ERBB4: variants seen among roughly 807,000 people sequenced by gnomAD.
The protein encoded by ERBB4 is receptor tyrosine-protein kinase erbB-4.
ERBB4 carries 42 observed loss-of-function variants against 158.0 expected under a neutral mutation model. That is an observed-to-expected ratio of 0.27 (90% CI 0.21 to 0.34). ERBB4 has a LOEUF of 0.34. ERBB4 is among the 10% of genes least tolerant of loss of function. The pLI is 1.00. For missense variants in ERBB4, 1,333 were observed against 1,624.1 expected (o/e 0.82, Z 3.08); for synonymous variants, 583 against 558.7 (o/e 1.04, Z -0.61).
At chr2:212,291,857 C>CA (rs1312210011) in intron 1 of ERBB4, among the ~76,000 whole-genome samples, 1 of 151,792 alleles carries the variant, frequency 6.6e-6, no homozygotes, top group Admixed American at 6.6e-5. Flanking sequence ...CTCTATTTTT[C>CA]AAAAATATTT....
At chr2:211,597,776 A>G (rs1490200446) in intron 19 of ERBB4, among the ~76,000 whole-genome samples, 4 of 152,192 alleles carry the variant, frequency 2.6e-5, no homozygotes, top group African/African-American at 9.6e-5. Context: ...CCTTCACATG[A>G]TAGTAAAAAT....
intron 1 of ERBB4, among the ~76,000 whole-genome samples, chr2:212,397,042 A>G (rs2091048912): frequency 6.6e-6 from 1 of 152,204 alleles, no homozygotes; most frequent in South Asian, 2.1e-4. Context: ...GTAACCATTT[A>G]ATCCCATATT....
chr2:212,042,633 T>C (rs1333420786), intron 2 of ERBB4, among the ~76,000 whole-genome samples: 1 of 152,122 alleles, frequency 6.6e-6, no homozygotes, highest in East Asian at 1.9e-4. Flanking sequence ...TTTAAGTGCC[T>C]ATAATCTTTC....
intron 2 of ERBB4, among the ~76,000 whole-genome samples, chr2:212,037,392 C>A (rs73087377): frequency 2.0e-5 from 3 of 152,154 alleles, no homozygotes; most frequent in Non-Finnish European, 2.9e-5. Flanking sequence ...CTAAGGAAAG[C>A]ACCAACTGGA....
At chr2:212,473,991 C>A (rs1689246253) in intron 1 of ERBB4, among the ~76,000 whole-genome samples, 2 of 151,986 alleles carry the variant, frequency 1.3e-5, no homozygotes, top group Non-Finnish European at 2.9e-5. Context: ...AAAATTCAAC[C>A]AATTGTAGAA....
At chr2:212,138,861 A>G (rs568186078) in intron 1 of ERBB4, among the ~76,000 whole-genome samples, 1 of 152,290 alleles carries the variant, frequency 6.6e-6, no homozygotes, top group South Asian at 2.1e-4. Context: ...TAACGATATG[A>G]TTGAACATGT....
intron 3 of ERBB4, among the ~76,000 whole-genome samples, chr2:211,916,824 T>C (rs1335124665): frequency 6.6e-6 from 1 of 152,180 alleles, no homozygotes; most frequent in Non-Finnish European, 1.5e-5. Flanking sequence ...GAATGTTTAA[T>C]AGGAAAGACA....
At chr2:212,098,052 G>A (rs1194243792) in intron 2 of ERBB4, among the ~76,000 whole-genome samples, 1 of 152,102 alleles carries the variant, frequency 6.6e-6, no homozygotes, top group African/African-American at 2.4e-5. Context: ...AATAGAGAAA[G>A]AGGGTATGGC....
intron 1 of ERBB4, among the ~76,000 whole-genome samples, chr2:212,454,165 T>C (rs1688154160): frequency 6.6e-6 from 1 of 152,098 alleles, no homozygotes; most frequent in Non-Finnish European, 1.5e-5. Flanking sequence ...GGTCTCAAAC[T>C]CCTGACCTCA....
chr2:212,244,373 T>A (rs1240733370), intron 1 of ERBB4, among the ~76,000 whole-genome samples: 1 of 152,082 alleles, frequency 6.6e-6, no homozygotes, highest in African/African-American at 2.4e-5. Flanking sequence ...TCACGGGTCA[T>A]GACAGGAGCA....
Position 211,947,497 on chromosome 2 carries a change from T to C in ERBB4, c.354A>G (p.Ala118=). ...TKLYEDRYAL[A]IFLNYRKDGN... is the part of the protein sequence containing the mutation. ...CATCTTTTCTGTAGTTTAAAAATAT[T>C]GCCAAGGCATATCGATCCTCATAAA... Residue 118 remains alanine, a synonymous_variant, in exon 3 of 28, where the codon GCA becomes GCG. Transcript: ENST00000342788. 1 of 1,613,884 alleles carries C rather than the reference T, an allele frequency of 6.2e-7. No individual in the cohort carries two copies. Among genetic ancestry groups the C allele is most frequent in the Non-Finnish European group, 8.5e-7 (1 of 1,179,894 alleles).
At chr2:211,829,966 A>G (rs1330809596) in intron 3 of ERBB4, among the ~76,000 whole-genome samples, 2 of 152,148 alleles carry the variant, frequency 1.3e-5, no homozygotes, top group Non-Finnish European at 2.9e-5. Flanking sequence ...CATTACTTGG[A>G]GTGAATATAA....
At chr2:211,736,116 T>C (rs2074590602) in intron 5 of ERBB4, among the ~76,000 whole-genome samples, 1 of 151,862 alleles carries the variant, frequency 6.6e-6, no homozygotes, top group African/African-American at 2.4e-5. Context: ...TAAGCTATGA[T>C]TGTGCCTCTG....
At chr2:211,663,691 T>C (rs2071515485) in intron 15 of ERBB4, among the ~76,000 whole-genome samples, 2 of 152,204 alleles carry the variant, frequency 1.3e-5, no homozygotes, top group Non-Finnish European at 2.9e-5. Flanking sequence ...TTCATTTCTC[T>C]AATGGCCTCA....
At position 211,431,103 on chromosome 2, in the gene ERBB4, G is replaced by A. The variant is rs372925533; in HGVS notation, c.2488-3C>T. ...CTTTCTTCCAGGTACATCATTCCCT[G>A]AAAAATATCAAGTTCCTTAATGATA... On this transcript the variant is annotated splice_region_variant and splice_polypyrimidine_tract_variant and intron_variant, in intron 20 of 27. Transcript: ENST00000342788. 3 of 1,612,882 alleles carry A rather than the reference G, an allele frequency of 1.9e-6. No individual in the cohort carries two copies. The highest frequency in any genetic ancestry group is 2.7e-5 in the African/African-American group (2 of 74,862).
intron 2 of ERBB4, among the ~76,000 whole-genome samples, chr2:212,077,716 T>A (rs1575602250): frequency 6.6e-6 from 1 of 152,160 alleles, no homozygotes. Flanking sequence ...AATTATATAC[T>A]TTGTGATAAT....
chr2:211,876,783 A>G (rs1208108629), intron 3 of ERBB4, among the ~76,000 whole-genome samples: 2 of 152,226 alleles, frequency 1.3e-5, no homozygotes, highest in African/African-American at 4.8e-5. Flanking sequence ...TAAGCTTTAC[A>G]CTGAAGATCG....
At chr2:212,191,994 A>ATGT (rs1330754531) in intron 1 of ERBB4, among the ~76,000 whole-genome samples, 5 of 89,348 alleles carry the variant, frequency 5.6e-5, no homozygotes, top group African/African-American at 8.9e-5. Context: ...TATATGTTAT[A>ATGT]TATGTTATAT....
chr2:211,719,804 G>A (rs957978353), intron 7 of ERBB4, among the ~76,000 whole-genome samples: 4 of 149,562 alleles, frequency 2.7e-5, no homozygotes, highest in Non-Finnish European at 5.9e-5. Flanking sequence ...GCAGTGAGCC[G>A]AGATCATACT....
Sources: gnomAD v4.1 joint callset for allele counts (sites outside exome capture counted in the v4.1 genomes callset) on GRCh38, gnomAD v4.1.1 for gene constraint, MANE v1.5 for transcripts, NCBI Gene and HGNC (gene_info 2026-07-23, HGNC 2026-07-21) for gene names.